CPVL: variants seen among roughly 807,000 people sequenced by gnomAD.
CPVL encodes carboxypeptidase vitellogenic like.
CPVL carries 51 observed loss-of-function variants against 63.7 expected under a neutral mutation model. That is an observed-to-expected ratio of 0.80 (90% CI 0.64 to 1.01). CPVL has a LOEUF of 1.01. Ranked by LOEUF, CPVL falls within the 50% of genes least tolerant of loss-of-function variation. The pLI, the probability that CPVL is intolerant of heterozygous loss-of-function variation, is 0.00. For synonymous variants in CPVL, 195 were observed against 206.0 expected (o/e 0.95, Z 0.46); for missense variants, 530 against 573.1 (o/e 0.92, Z 0.77).
At chr7:29,030,145 A>G (rs1306740837) in intron 12 of CPVL, among the ~76,000 whole-genome samples, 1 of 152,202 alleles carries the variant, frequency 6.6e-6, no homozygotes, top group African/African-American at 2.4e-5. Flanking sequence ...CTGACCCCGC[A>G]GTGGAAGTTG....
chr7:29,068,414 G>T (rs35488630), intron 9 of CPVL, among the ~76,000 whole-genome samples: 1 of 152,078 alleles, frequency 6.6e-6, no homozygotes, highest in African/African-American at 2.4e-5. Context: ...CATAGAAGGC[G>T]GTGTGGGTGG....
chr7:29,093,586 A>G (rs1397682367), intron 5 of CPVL, among the ~76,000 whole-genome samples: 2 of 152,172 alleles, frequency 1.3e-5, no homozygotes, highest in Non-Finnish European at 2.9e-5. Context: ...TTCTTATTAG[A>G]ACCTAGAAGT....
chr7:29,106,868 C>T (rs1787770504), intron 3 of CPVL, among the ~76,000 whole-genome samples: 1 of 152,138 alleles, frequency 6.6e-6, no homozygotes, highest in African/African-American at 2.4e-5. Flanking sequence ...CTTAAGACAA[C>T]AATAATAATT....
chr7:29,116,787 C>A (rs1182605687), intron 2 of CPVL, among the ~76,000 whole-genome samples: 1 of 152,198 alleles, frequency 6.6e-6, no homozygotes, highest in Non-Finnish European at 1.5e-5. Context: ...AAGATTTATT[C>A]TAGCTTCAGA....
Position 29,125,720 on chromosome 7 carries a change from T to C in CPVL, c.-10-4649A>G, listed in dbSNP as rs182077037. On this transcript the variant is annotated intron_variant, in intron 1 of 12. Coordinates refer to ENST00000265394, the MANE Select transcript of CPVL (RefSeq NM_031311.5). The stretch of plus-strand genomic sequence containing the variant: ...CTCTCCCACCTTTATTCCAGATATA[T>C]TCAAATATTCTGACTCTTACTGTCT... Among the ~76,000 whole-genome samples the C allele has an allele frequency of 6.6e-5, 10 of 152,274 alleles. No homozygotes were observed. In the East Asian group the frequency reaches 1.9e-3, roughly 29 times the overall value.
At chr7:29,178,380 C>T (rs1797630815) in intron 5 of CPVL, among the ~76,000 whole-genome samples, 1 of 152,144 alleles carries the variant, frequency 6.6e-6, no homozygotes, top group African/African-American at 2.4e-5. Context: ...CCTGGTCTTC[C>T]TCTGCGTGCG....
intron 1 of CPVL, among the ~76,000 whole-genome samples, chr7:29,136,973 A>G (rs79542091): frequency 6.6e-6 from 1 of 152,102 alleles, no homozygotes; most frequent in Non-Finnish European, 1.5e-5. Context: ...ACCTCTCTAA[A>G]TCTACTCTCA....
intron 12 of CPVL, among the ~76,000 whole-genome samples, chr7:28,998,030 C>A (rs1286798984): frequency 6.6e-6 from 1 of 152,178 alleles, no homozygotes; most frequent in African/African-American, 2.4e-5. Flanking sequence ...ACTGGAAACC[C>A]AGCATGCCCA....
At chr7:29,035,346 C>A (rs1276590537) in intron 11 of CPVL, among the ~76,000 whole-genome samples, 1 of 152,172 alleles carries the variant, frequency 6.6e-6, no homozygotes, top group Non-Finnish European at 1.5e-5. Flanking sequence ...AAGAAAAGAG[C>A]TAAAGTTCCT....
At chr7:29,006,459 A>G (rs1180407474) in intron 12 of CPVL, among the ~76,000 whole-genome samples, 2 of 152,196 alleles carry the variant, frequency 1.3e-5, no homozygotes. Flanking sequence ...AAGGTGAGAA[A>G]GGCCTGTCAC....
At chr7:29,068,240 C>T (rs568124818) in intron 9 of CPVL, among the ~76,000 whole-genome samples, 1 of 152,060 alleles carries the variant, frequency 6.6e-6, no homozygotes, top group African/African-American at 2.4e-5. Context: ...TGGTCTCGAA[C>T]TCCTGACCTT....
At chr7:29,194,890 G>T in intron 1 of CPVL, 2 of 1,412,708 alleles carry the variant, frequency 1.4e-6, no homozygotes, top group African/African-American at 3.0e-5. Context: ...GGGCAGCGGC[G>T]GCGGCGTCCG....
chr7:29,031,338 A>T (rs1464379453), intron 11 of CPVL, among the ~76,000 whole-genome samples: 2 of 152,200 alleles, frequency 1.3e-5, no homozygotes, highest in African/African-American at 4.8e-5. Context: ...CCTTTTTAAA[A>T]ATATGATAGC....
intron 3 of CPVL, among the ~76,000 whole-genome samples, chr7:29,103,113 A>G (rs1264786246): frequency 7.0e-6 from 1 of 142,356 alleles, no homozygotes; most frequent in Non-Finnish European, 1.5e-5. Flanking sequence ...ATCAGAGAGA[A>G]AGAGAGAATA....
At chr7:29,163,303 C>T (rs190752318) in intron 5 of CPVL, among the ~76,000 whole-genome samples, 87 of 151,946 alleles carry the variant, frequency 5.7e-4, no homozygotes, top group African/African-American at 2.0e-3. Flanking sequence ...TAAAATACTT[C>T]GCTTATAGTT....
At chr7:29,055,436 A>C (rs1210964602) in intron 11 of CPVL, among the ~76,000 whole-genome samples, 1 of 152,136 alleles carries the variant, frequency 6.6e-6, no homozygotes, top group Non-Finnish European at 1.5e-5. Flanking sequence ...TTTTTAGTAG[A>C]GATGGGGTTT....
In CPVL at chr7:29,030,633, AG is replaced by A; in HGVS notation, c.1263del (p.Phe422LeufsTer20). 1 of 1,613,890 alleles carries A rather than the reference AG, an allele frequency of 6.2e-7. No homozygotes were observed. Among genetic ancestry groups the A allele is most frequent in the Non-Finnish European group, 8.5e-7 (1 of 1,179,896 alleles). ...YKKAEKKVWK[I>X]FKSDSEVAGY... ...CCAGCCACTTCACTGTCAGATTTAA[AG>A]ATCTTCCAAACTTTTTTTTCTGCCT... On this transcript the variant is annotated frameshift_variant, in exon 12 of 13. Coordinates refer to ENST00000265394, the MANE Select transcript of CPVL (RefSeq NM_031311.5). LOFTEE classifies it high-confidence loss of function.
intron 12 of CPVL, among the ~76,000 whole-genome samples, chr7:29,020,454 G>A (rs909930038): frequency 4.0e-5 from 6 of 151,636 alleles, no homozygotes; most frequent in South Asian, 2.1e-4. Flanking sequence ...TTTTTTCTTC[G>A]TTATATGTAC....
intron 2 of CPVL, 44 bp from the exon 3 acceptor site, chr7:29,112,866 T>A: frequency 2.3e-6 from 3 of 1,332,384 alleles, no homozygotes; most frequent in Non-Finnish European, 3.2e-6. Context: ...CAGAAAACAA[T>A]AACAACAAAA....
Sources: gnomAD v4.1 joint callset for allele counts (sites outside exome capture counted in the v4.1 genomes callset) on GRCh38, gnomAD v4.1.1 for gene constraint, MANE v1.5 for transcripts, NCBI Gene and HGNC (gene_info 2026-07-23, HGNC 2026-07-21) for gene names.